The following RSPO4 variants were observed in gnomAD, a reference collection of about 807,000 sequenced individuals.
RSPO4 encodes the protein R-spondin-4.
RSPO4 carries 23 observed loss-of-function variants against 24.8 expected under a neutral mutation model. The observed-to-expected ratio is 0.93, with a 90% confidence interval of 0.67 to 1.31. RSPO4 has a LOEUF of 1.31. RSPO4 is among the 40% of genes most tolerant of loss of function. The pLI, the probability that RSPO4 is intolerant of heterozygous loss-of-function variation, is 0.00. For missense variants in RSPO4, 333 were observed against 316.5 expected (o/e 1.05, Z -0.39); for synonymous variants, 141 against 127.4 (o/e 1.11, Z -0.72).
Position 967,263 on chromosome 20 carries a change from C to T in RSPO4, c.320G>A (p.Cys107Tyr). 1.9e-6 allele frequency: 3 copies of T among 1,614,220 alleles called. No individual in the cohort carries two copies. The highest frequency in any genetic ancestry group is 3.3e-4 in the Middle Eastern group (2 of 6,062). ...SCFSQDFCIR[C>Y]KRQFYLYKGK... ...CTTGTACAAGTAAAACTGCCTCTTG[C>T]ACCGGATGCAGAAGTCCTGGCTGAA... is the stretch of plus-strand genomic sequence containing the variant. Residue 107 changes from cysteine to tyrosine, a missense_variant, in exon 3 of 5, where the codon TGC becomes TAC. Cys to Tyr is a radical substitution (Grantham distance 194, BLOSUM62 -2). Transcript: ENST00000217260.
At chr20:979,651 A>G (rs1321328451) in intron 1 of RSPO4, among the ~76,000 whole-genome samples, 1 of 152,032 alleles carries the variant, frequency 6.6e-6, no homozygotes, top group Non-Finnish European at 1.5e-5. Context: ...TTGGAGATCT[A>G]CCTATCTTGA....
At chr20:968,955 C>A (rs1984321569) in intron 1 of RSPO4, among the ~76,000 whole-genome samples, 2 of 152,206 alleles carry the variant, frequency 1.3e-5, no homozygotes, top group Admixed American at 1.3e-4. Context: ...GTCTCTGTTA[C>A]CCTGACCATC....
intron 1 of RSPO4, among the ~76,000 whole-genome samples, chr20:986,074 G>T (rs757963118): frequency 6.6e-6 from 1 of 152,260 alleles, no homozygotes; most frequent in Non-Finnish European, 1.5e-5. Flanking sequence ...TCTAAGCCAT[G>T]GTTTTCCAGC....
At chr20:992,743 C>G (rs1324588130) in intron 1 of RSPO4, among the ~76,000 whole-genome samples, 1 of 152,224 alleles carries the variant, frequency 6.6e-6, no homozygotes, top group African/African-American at 2.4e-5. Context: ...GGACTGTCCA[C>G]AGCCCAAATC....
chr20:995,823 T>C (rs1293850118), intron 1 of RSPO4, among the ~76,000 whole-genome samples: 3 of 152,132 alleles, frequency 2.0e-5, no homozygotes, highest in South Asian at 2.1e-4. Flanking sequence ...GCTCAGCTGG[T>C]CCAGCAGCCT....
intron 1 of RSPO4, among the ~76,000 whole-genome samples, chr20:976,650 C>A (rs761903782): frequency 1.3e-5 from 2 of 151,976 alleles, no homozygotes; most frequent in African/African-American, 2.4e-5. Context: ...CTTCACTCTG[C>A]AGAACTTCCC....
At chr20:967,831 G>A (rs1014685830) in intron 2 of RSPO4, 119 bp downstream of exon 2, 13 of 1,054,620 alleles carry the variant, frequency 1.2e-5, no homozygotes, top group Non-Finnish European at 1.9e-5. Flanking sequence ...GTATCTCAGA[G>A]TCTGGGCTTA....
At chr20:967,904 G>A (rs907033089) in intron 2 of RSPO4, 46 bp downstream of exon 2, 22 of 1,568,032 alleles carry the variant, frequency 1.4e-5, no homozygotes, top group Middle Eastern at 1.7e-4. Context: ...AGCCCATGGT[G>A]TCTAGGAGCC....
At chr20:974,310 A>T (rs1984497728) in intron 1 of RSPO4, among the ~76,000 whole-genome samples, 1 of 152,164 alleles carries the variant, frequency 6.6e-6, no homozygotes, top group Non-Finnish European at 1.5e-5. Context: ...CATGACTCTG[A>T]CCCTAACCAA....
At position 981,108 on chromosome 20, in the gene RSPO4, G is replaced by A. The variant is rs6118488; in HGVS notation, c.80-12970C>T. Among the ~76,000 whole-genome samples the A allele has an allele frequency of 0.19, 29,038 of 152,108 alleles. 5,521 individuals carry two copies. Among genetic ancestry groups the A allele is most frequent in the African/African-American group, 0.49 (20,500 of 41,432 alleles). On this transcript the variant is annotated intron_variant, in intron 1 of 4. Transcript: ENST00000217260. The surrounding 1 kb of genome is among the most constrained non-coding windows in gnomAD (Gnocchi z 4.6). ...GAAGGCTCAAAGACCAACAATTATAGGTGGTGGCATTAGATTTAAACCCAC... is the reference window on the plus strand; with the variant it reads ...GAAGGCTCAAAGACCAACAATTATAAGTGGTGGCATTAGATTTAAACCCAC...
chr20:968,248 C>T lies in RSPO4; in HGVS notation c.80-110G>A, dbSNP rs1984294234. Reference sequence around the variant, plus strand: ...TTGGGATAGTAACTGGGCACATGGCCACCCAAACAAAAGACTACATTTCCC... The same window carrying T: ...TTGGGATAGTAACTGGGCACATGGCTACCCAAACAAAAGACTACATTTCCC... On this transcript the variant is annotated intron_variant, in intron 1 of 4. Transcript: ENST00000217260. 7.4e-6 allele frequency: 7 copies of T among 941,952 alleles called. No homozygotes were observed. In the African/African-American group the frequency reaches 1.1e-4, roughly 15 times the overall value. 58.3% of individuals were successfully genotyped at this position (941,952 alleles called of 1,614,324 possible). A position where few individuals can be genotyped will look rare whatever the true frequency, so the allele number is the denominator to read the frequency against.
chr20:995,029 A>G (rs189976612), intron 1 of RSPO4, among the ~76,000 whole-genome samples: 1 of 152,316 alleles, frequency 6.6e-6, no homozygotes, highest in Admixed American at 6.5e-5. Context: ...CTTCACCGCT[A>G]GTCTCCTGAA....
intron 1 of RSPO4, among the ~76,000 whole-genome samples, chr20:1,000,952 G>T (rs1293345019): frequency 1.3e-5 from 2 of 152,160 alleles, no homozygotes; most frequent in Admixed American, 1.3e-4. Flanking sequence ...GTCGCTGTAG[G>T]GCTTTCACAC....
Position 977,185 on chromosome 20 carries a change from G to A in RSPO4, c.80-9047C>T, listed in dbSNP as rs917556021. Among the ~76,000 whole-genome samples the A allele has an allele frequency of 3.9e-5, 6 of 152,302 alleles. No homozygotes were observed. The South Asian group carries it at 8.3e-4, about 21-fold the overall frequency. ...GCCTGTTAAAAACACAGGCTGCTGG[G>A]CCTTACCCTAGAGTTGCTGATTCAT... On this transcript the variant is annotated intron_variant, in intron 1 of 4. Transcript: ENST00000217260.
At position 963,972 on chromosome 20, in the gene RSPO4, C is replaced by A; in HGVS notation, c.558G>T (p.Glu186Asp). 1.2e-6 allele frequency: 2 copies of A among 1,614,084 alleles called. No individual in the cohort carries two copies. The change falls in exon 4 of 5, where the codon GAG becomes GAT. Residue 186 changes from glutamate to aspartate, a missense_variant. By Grantham distance (45) the Glu-to-Asp change is conservative (BLOSUM62 2). Transcript: ENST00000217260. Reference sequence around the variant, plus strand: ...GCCTCTGGATGGGACATTTCCTTGACTCAGAAAGCACCTGGCAGGTGGCTG... The same window carrying A: ...GCCTCTGGATGGGACATTTCCTTGAATCAGAAAGCACCTGGCAGGTGGCTG... ...EEAATCQVLS[E>D]SRKCPIQRPC...
intron 1 of RSPO4, among the ~76,000 whole-genome samples, chr20:986,626 G>A (rs1024223023): frequency 3.2e-5 from 4 of 123,916 alleles, no homozygotes; most frequent in African/African-American, 1.2e-4. Flanking sequence ...AAGGATTGGA[G>A]TTTAAAAATA....
chr20:996,024 T>C (rs1434258829), intron 1 of RSPO4, among the ~76,000 whole-genome samples: 1 of 152,218 alleles, frequency 6.6e-6, no homozygotes, highest in Non-Finnish European at 1.5e-5. Flanking sequence ...TCTGATATAT[T>C]CTAAAAAGGA....
In RSPO4 at chr20:964,167, C is replaced by T. The variant is rs369916588; in HGVS notation, c.410-47G>A. The T allele has an allele frequency of 6.0e-4, 917 of 1,515,972 alleles. 13 individuals carry two copies. In the South Asian group the frequency reaches 0.01, roughly 17 times the overall value. 93.9% of individuals were successfully genotyped at this position (1,515,972 alleles called of 1,614,324 possible). A position where few individuals can be genotyped will look rare whatever the true frequency, so the allele number is the denominator to read the frequency against. On this transcript the variant is annotated intron_variant, in intron 3 of 4. Transcript: ENST00000217260. ...AGACAGACAGACAGACAGGGTCAGC[C>T]GGCAGTGAGGGTCCTTCAGATCCAA...
intron 1 of RSPO4, among the ~76,000 whole-genome samples, chr20:983,611 GGGTTCA>G (rs1984811732): frequency 6.6e-6 from 1 of 152,212 alleles, no homozygotes; most frequent in Non-Finnish European, 1.5e-5. Context: ...TCTGGAGCCT[GGGTTCA>G]TTCCCACACT....
Sources: allele counts gnomAD v4.1 joint callset (sites outside exome capture counted in the v4.1 genomes callset), GRCh38; gene constraint gnomAD v4.1.1; non-coding constraint Gnocchi (gnomAD v3.1); transcripts MANE v1.5; gene names NCBI Gene and HGNC (gene_info 2026-07-23, HGNC 2026-07-21).